Variants in PGBD5 observed in about 807,000 individuals in gnomAD.
PGBD5 encodes the protein piggyBac transposable element-derived protein 5.
PGBD5 carries 14 observed loss-of-function variants against 47.9 expected under a neutral mutation model. That is an observed-to-expected ratio of 0.29 (90% CI 0.19 to 0.46). PGBD5 has a LOEUF of 0.46. Among genes scored for constraint, PGBD5 ranks in the 20% least tolerant of loss-of-function variants. PGBD5 has a pLI of 1.00. For synonymous variants in PGBD5, 316 were observed against 306.3 expected, an observed-to-expected ratio of 1.03 and a Z score of -0.33; for missense variants, 635 against 716.0, an observed-to-expected ratio of 0.89 and a Z score of 1.29.
chr1:230,333,107 C>G lies in PGBD5; in HGVS notation c.1076-66G>C, dbSNP rs929290941. ...CGGAGATGCCGGCGGCTCCTCCGCC[C>G]TGGGCACCCCCAAGGAAAGGACGGG... On this transcript the variant is annotated intron_variant, in intron 4 of 6. Coordinates refer to ENST00000391860, the MANE Select transcript of PGBD5 (RefSeq NM_001258311.2). 1.3e-5 allele frequency: 20 copies of G among 1,497,108 alleles called. No homozygotes were observed. In the African/African-American group the frequency reaches 2.8e-4, roughly 21 times the overall value. The allele number at this position is 1,497,108 out of a possible 1,614,324, so 92.7% of individuals were successfully genotyped here.
chr1:230,340,575 G>A (rs993365826), intron 3 of PGBD5, among the ~76,000 whole-genome samples: 2 of 152,038 alleles, frequency 1.3e-5, no homozygotes, highest in African/African-American at 4.8e-5. Context: ...TGCTAAATAT[G>A]TAATACAACT....
chr1:230,368,001 T>A (rs1212186039), intron 1 of PGBD5: 1 of 1,367,868 alleles, frequency 7.3e-7, no homozygotes, highest in South Asian at 1.1e-5. Context: ...CTGGGGGTTC[T>A]CTTCCCCACG....
chr1:230,369,831 T>C (rs550900012), intron 1 of PGBD5, among the ~76,000 whole-genome samples: 5 of 152,190 alleles, frequency 3.3e-5, no homozygotes, highest in Admixed American at 1.3e-4. Context: ...CCCTGGCTAC[T>C]AATTATATCC....
chr1:230,386,178 G>A lies in PGBD5; in HGVS notation c.332-28857C>T, dbSNP rs576981752. Among the ~76,000 whole-genome samples the A allele has an allele frequency of 2.6e-5, 4 of 152,078 alleles. No individual in the cohort carries two copies. The South Asian group carries it at 8.3e-4, about 32-fold the overall frequency. Reference sequence around the variant, plus strand: ...CCCATCTCTACAAAAAATTTGGCAGGTGTGGTGGTGCATGCCTGTAGTCAC... The same window carrying A: ...CCCATCTCTACAAAAAATTTGGCAGATGTGGTGGTGCATGCCTGTAGTCAC... On this transcript the variant is annotated intron_variant, in intron 1 of 6. Coordinates refer to ENST00000391860, the MANE Select transcript of PGBD5 (RefSeq NM_001258311.2).
intron 1 of PGBD5, chr1:230,362,241 T>A (rs762113824): frequency 7.4e-7 from 1 of 1,359,550 alleles, no homozygotes; most frequent in East Asian, 4.6e-5. Flanking sequence ...GAGACCTGGC[T>A]GGGATTTAGC....
chr1:230,397,055 G>T (rs185946863), intron 1 of PGBD5, among the ~76,000 whole-genome samples: 55 of 152,162 alleles, frequency 3.6e-4, no homozygotes, highest in Admixed American at 1.8e-3. Context: ...AGTTCACCTG[G>T]TTTATGCCGA....
intron 2 of PGBD5, among the ~76,000 whole-genome samples, chr1:230,354,822 G>A (rs778477721): frequency 2.6e-5 from 4 of 152,146 alleles, no homozygotes; most frequent in Non-Finnish European, 5.9e-5. Flanking sequence ...TCACTACCAC[G>A]TAGGGGCACC....
At chr1:230,361,772 A>C (rs1667745682) in intron 1 of PGBD5, among the ~76,000 whole-genome samples, 1 of 152,238 alleles carries the variant, frequency 6.6e-6, no homozygotes, top group East Asian at 1.9e-4. Context: ...GACTGGGAGT[A>C]AGAGCAGCAG....
At chr1:230,363,960 C>A (rs1379806408) in intron 1 of PGBD5, among the ~76,000 whole-genome samples, 1 of 152,210 alleles carries the variant, frequency 6.6e-6, no homozygotes, top group African/African-American at 2.4e-5. Context: ...AAAGTAATCA[C>A]CATTTCTCTC....
intron 1 of PGBD5, among the ~76,000 whole-genome samples, chr1:230,403,903 G>C (rs1320683015): frequency 1.3e-5 from 2 of 152,082 alleles, no homozygotes; most frequent in East Asian, 3.9e-4. Flanking sequence ...CATACAACTT[G>C]AATTTTAATT....
intron 1 of PGBD5, among the ~76,000 whole-genome samples, chr1:230,366,189 AAAGCTCATCTGCTCTCCTCTTGACC>A (rs1207392174): frequency 6.6e-6 from 1 of 152,204 alleles, no homozygotes; most frequent in African/African-American, 2.4e-5. Flanking sequence ...TGCTCATTAG[AAAGCTCATCTGCTCTCCTCTTGACC>A]AAGCTCATCC....
In PGBD5 at chr1:230,334,785, C is replaced by CT. The variant is rs900290385; in HGVS notation, c.1076-1745dup. On this transcript the variant is annotated intron_variant, in intron 4 of 6. Coordinates refer to ENST00000391860, the MANE Select transcript of PGBD5 (RefSeq NM_001258311.2). ...TGCTTCTAAAAATAGGCAAGGAGAT[C>CT]TTTTTTATCTCTTACCTAACCTTCT... 2.5e-3 allele frequency among the ~76,000 whole-genome samples: 378 copies of CT among 152,276 alleles called. 1 individual carries two copies. The highest frequency in any genetic ancestry group is 8.6e-3 in the African/African-American group (359 of 41,546).
At chr1:230,336,618 C>T (rs1667328167) in intron 4 of PGBD5, among the ~76,000 whole-genome samples, 1 of 152,182 alleles carries the variant, frequency 6.6e-6, no homozygotes, top group South Asian at 2.1e-4. Context: ...CCAGTCTTTG[C>T]CATGCATGCA....
At chr1:230,361,279 A>T (rs1316936383) in intron 1 of PGBD5, among the ~76,000 whole-genome samples, 1 of 151,294 alleles carries the variant, frequency 6.6e-6, no homozygotes, top group Admixed American at 6.6e-5. Flanking sequence ...ATGTGGGTTT[A>T]AAAAAAAATT....
chr1:230,358,059 C>A (rs1023520361), intron 1 of PGBD5, among the ~76,000 whole-genome samples: 3 of 151,700 alleles, frequency 2.0e-5, no homozygotes, highest in Non-Finnish European at 4.4e-5. Flanking sequence ...ACAAATACAT[C>A]GATGTATAAA....
chr1:230,400,493 T>C (rs1401490163), intron 1 of PGBD5, among the ~76,000 whole-genome samples: 6 of 152,208 alleles, frequency 3.9e-5, no homozygotes, highest in African/African-American at 1.2e-4. Context: ...GGTTCACTGA[T>C]GTATTCTAAA....
At position 230,357,101 on chromosome 1, in the gene PGBD5, G is replaced by A. The variant is rs144593164; in HGVS notation, c.552C>T (p.Ser184=). Residue 184 remains serine, a synonymous_variant, in exon 2 of 7, where the codon TCC becomes TCT. Transcript: ENST00000391860. The surrounding 1 kb of genome is among the most constrained non-coding windows in gnomAD (Gnocchi z 5.7). ...AGCCTCCGCTCCAGATGCTGAGGAC[G>A]GACTCGCAGTGGGAGATGCTGGTGG... ...MISTSISHCE[S]VLSIWSGGFY... The A allele has an allele frequency of 1.4e-4, 221 of 1,614,154 alleles. No individual in the cohort carries two copies. In the African/African-American group the frequency reaches 1.7e-3, roughly 13 times the overall value.
intron 6 of PGBD5, among the ~76,000 whole-genome samples, chr1:230,324,443 G>A (rs1487337225): frequency 6.6e-6 from 1 of 152,192 alleles, no homozygotes; most frequent in Non-Finnish European, 1.5e-5. Flanking sequence ...AGCACATAGT[G>A]GGCGTTCAAC....
intron 1 of PGBD5, among the ~76,000 whole-genome samples, chr1:230,401,536 T>A (rs1657138962): frequency 6.6e-6 from 1 of 152,072 alleles, no homozygotes; most frequent in African/African-American, 2.4e-5. Context: ...TATGCCAAGA[T>A]CAAAAGGCGG....
Sources: allele counts gnomAD v4.1 joint callset (sites outside exome capture counted in the v4.1 genomes callset), GRCh38; gene constraint gnomAD v4.1.1; non-coding constraint Gnocchi (gnomAD v3.1); transcripts MANE v1.5; gene names NCBI Gene and HGNC (gene_info 2026-07-23, HGNC 2026-07-21).